Variants in PLXNA4 observed in about 807,000 individuals in gnomAD.
The protein encoded by PLXNA4 is plexin A4, also known as plexin-A4.
Under a neutral mutation model 191.8 loss-of-function variants are expected in PLXNA4, and 44 were observed. The ratio of observed to expected loss-of-function variants is 0.23; its 90% CI spans 0.18 to 0.29. The LOEUF (loss-of-function observed/expected upper bound fraction) is 0.29. Among genes scored for constraint, PLXNA4 ranks in the 10% least tolerant of loss-of-function variants. The pLI, the probability that PLXNA4 is intolerant of heterozygous loss-of-function variation, is 1.00. For synonymous variants in PLXNA4, 1,082 were observed against 1,009.5 expected (o/e 1.07, Z -1.36); for missense variants, 1,800 against 2,488.8 (o/e 0.72, Z 5.89).
At chr7:132,608,521 T>G (rs1450366112) in intron 2 of PLXNA4, among the ~76,000 whole-genome samples, 2 of 152,188 alleles carry the variant, frequency 1.3e-5, no homozygotes, top group African/African-American at 4.8e-5. Context: ...CAGAGAAAGC[T>G]GGCCCAAGAT....
chr7:132,544,893 TATAAATTTCACAA>T (rs1800229124), intron 1 of PLXNA4, among the ~76,000 whole-genome samples: 2 of 152,322 alleles, frequency 1.3e-5, no homozygotes, highest in Admixed American at 1.3e-4. Flanking sequence ...GAAAGGGCTA[TATAAATTTCACAA>T]ATAAATGACT....
At chr7:132,260,815 T>C (rs191274482) in intron 4 of PLXNA4, among the ~76,000 whole-genome samples, 4 of 152,230 alleles carry the variant, frequency 2.6e-5, no homozygotes, top group Admixed American at 1.3e-4. Flanking sequence ...TACCTGTCAT[T>C]ACACATTTGT....
intron 3 of PLXNA4, among the ~76,000 whole-genome samples, chr7:132,301,671 T>C (rs1353900698): frequency 2.6e-5 from 4 of 152,194 alleles, no homozygotes; most frequent in Non-Finnish European, 4.4e-5. Context: ...GTCAAAGGAG[T>C]TGATTTTAAA....
chr7:132,311,161 T>C (rs898118790), intron 3 of PLXNA4, among the ~76,000 whole-genome samples: 1 of 124,778 alleles, frequency 8.0e-6, no homozygotes, highest in African/African-American at 3.3e-5. Context: ...GATAATTGTG[T>C]GTGTGTGTGT....
At position 132,238,575 on chromosome 7, in the gene PLXNA4, C is replaced by A. The variant is rs558908463; in HGVS notation, c.1604+2491G>T. 7.2e-5 allele frequency among the ~76,000 whole-genome samples: 11 copies of A among 152,354 alleles called. No individual in the cohort carries two copies. In the South Asian group the frequency reaches 2.3e-3, roughly 32 times the overall value. ...CAGACAATGATGACCACAAAGACAA[C>A]AACACTTGCACAGCCCCTGCCTTCT... is the stretch of plus-strand genomic sequence containing the variant. On this transcript the variant is annotated intron_variant, in intron 5 of 31. Coordinates refer to ENST00000321063, the MANE Select transcript of PLXNA4 (RefSeq NM_020911.2).
At chr7:132,366,579 A>G (rs531909626) in intron 3 of PLXNA4, among the ~76,000 whole-genome samples, 1 of 152,160 alleles carries the variant, frequency 6.6e-6, no homozygotes, top group South Asian at 2.1e-4. Flanking sequence ...TCTCTTGGCT[A>G]CCTCAAAGTA....
chr7:132,221,591 T>A (rs551738478), intron 9 of PLXNA4, among the ~76,000 whole-genome samples: 45 of 152,196 alleles, frequency 3.0e-4, no homozygotes, highest in Admixed American at 7.9e-4. Context: ...ATCAAGGACA[T>A]GCCCTTGCTG....
intron 3 of PLXNA4, among the ~76,000 whole-genome samples, chr7:132,369,566 CA>C (rs1804342052): frequency 6.6e-6 from 1 of 152,026 alleles, no homozygotes; most frequent in African/African-American, 2.4e-5. Flanking sequence ...TAACATACAC[CA>C]AAAAGAGAGG....
intron 3 of PLXNA4, among the ~76,000 whole-genome samples, chr7:132,403,344 A>G (rs1794072803): frequency 6.6e-6 from 1 of 152,202 alleles, no homozygotes; most frequent in Non-Finnish European, 1.5e-5. Flanking sequence ...AAAGTTGAAA[A>G]AGAGAAGTCA....
chr7:132,603,884 G>T (rs764833192), intron 2 of PLXNA4, among the ~76,000 whole-genome samples: 3 of 152,166 alleles, frequency 2.0e-5, no homozygotes, highest in Non-Finnish European at 4.4e-5. Context: ...AATTTGGGGC[G>T]GGGTCCTTTG....
chr7:132,544,063 T>C (rs1387773537), intron 1 of PLXNA4, among the ~76,000 whole-genome samples: 1 of 152,204 alleles, frequency 6.6e-6, no homozygotes, highest in African/African-American at 2.4e-5. Flanking sequence ...TGATATGATT[T>C]GCCCATTAAC....
In PLXNA4 at chr7:132,452,613, G is replaced by A. The variant is rs561477267; in HGVS notation, c.1371+36679C>T. Among the ~76,000 whole-genome samples the A allele has an allele frequency of 1.5e-3, 230 of 152,302 alleles. 6 individuals carry two copies. The South Asian group carries it at 0.042, about 28-fold the overall frequency. ...TAAGGGTCCAGCTCCCAGCTCCCTG[G>A]GGGCCTGATACTCTACCCTCTCGCT... On this transcript the variant is annotated intron_variant, in intron 3 of 31. Coordinates refer to ENST00000321063, the MANE Select transcript of PLXNA4 (RefSeq NM_020911.2).
intron 3 of PLXNA4, among the ~76,000 whole-genome samples, chr7:132,458,476 C>G (rs954435163): frequency 3.3e-5 from 5 of 151,888 alleles, no homozygotes; most frequent in African/African-American, 2.4e-5. Flanking sequence ...GAATGCTACA[C>G]AGCAATAAGA....
Position 132,512,827 on chromosome 7 carries a change from C to T in PLXNA4, c.-86-4048G>A, listed in dbSNP as rs576991228. On this transcript the variant is annotated intron_variant, in intron 1 of 31. Transcript: ENST00000321063. ...GCGGTAACCCCAACCTAGGAAACCCCCACCCCAATATCAGAGCCTACCCAC... is the reference window on the plus strand; with the variant it reads ...GCGGTAACCCCAACCTAGGAAACCCTCACCCCAATATCAGAGCCTACCCAC... Among the ~76,000 whole-genome samples the T allele has an allele frequency of 2.0e-5, 3 of 152,230 alleles. No homozygotes were observed. In the East Asian group the frequency reaches 5.8e-4, roughly 29 times the overall value.
At chr7:132,134,683 A>C (rs546501596) in intron 30 of PLXNA4, among the ~76,000 whole-genome samples, 1 of 152,334 alleles carries the variant, frequency 6.6e-6, no homozygotes, top group East Asian at 1.9e-4. Context: ...CAGGAGCCTG[A>C]GACAGGCAAC....
In PLXNA4 at chr7:132,366,536, A is replaced by AG. The variant is rs1554424879; in HGVS notation, c.1372-68315_1372-68314insC. On this transcript the variant is annotated intron_variant, in intron 3 of 31. Transcript: ENST00000321063. ...AAGATTCTGTCTCAATTAAAAAAAA[A>AG]AGAGAGAGAGAATTAAATAAGAAGT... Among the ~76,000 whole-genome samples, 77 of 152,206 alleles carry AG rather than the reference A, an allele frequency of 5.1e-4. 4 individuals are homozygous for AG. In the South Asian group the frequency reaches 0.013, roughly 26 times the overall value.
At position 132,597,959 on chromosome 7, in the gene PLXNA4, G is replaced by A. The variant is rs576611018; in HGVS notation, c.-87+47969C>T. ...TACATTTGTTACTGCCTGTTGATAG[G>A]CACCCAGATTGCACCTGGGTGCAAT... On this transcript the variant is annotated intron_variant, in intron 2 of 4. Coordinates refer to the PLXNA4 transcript ENST00000378539. Among the ~76,000 whole-genome samples, 22 of 151,586 alleles carry A rather than the reference G, an allele frequency of 1.5e-4. No homozygotes were observed. The South Asian group carries it at 2.7e-3, about 19-fold the overall frequency.
rs376845929 is a variant in PLXNA4, at chr7:132,163,366, C to A, written c.4500+776G>T. 5.9e-5 allele frequency among the ~76,000 whole-genome samples: 9 copies of A among 152,250 alleles called. 1 individual carries two copies. In the East Asian group the frequency reaches 1.2e-3, roughly 20 times the overall value. On this transcript the variant is annotated intron_variant, in intron 24 of 31. Transcript: ENST00000321063. ...ATCTTGTCCCATCTGATCCTCTGCA[C>A]AACTTCACTCTGAGCAACTATGATT...
At chr7:132,271,390 CAAAT>C (rs1457821657) in intron 4 of PLXNA4, 1 of 107,704 alleles carries the variant, frequency 9.3e-6, no homozygotes, top group Non-Finnish European at 1.9e-5. Flanking sequence ...TCAAAGTAAT[CAAAT>C]AAATAGATAG....
Sources: allele counts gnomAD v4.1 joint callset (sites outside exome capture counted in the v4.1 genomes callset), GRCh38; gene constraint gnomAD v4.1.1; transcripts MANE v1.5; gene names NCBI Gene and HGNC (gene_info 2026-07-23, HGNC 2026-07-21).